Variants in PRKD1 observed in about 807,000 individuals in gnomAD.
PRKD1 encodes the protein protein kinase D1, also known as serine/threonine-protein kinase D1.
In PRKD1, 63 loss-of-function variants were observed where a neutral mutation model predicts 95.9. That is an observed-to-expected ratio of 0.66 (90% confidence interval 0.54 to 0.81). PRKD1 has a LOEUF of 0.81. Ranked by LOEUF, PRKD1 falls within the 30% of genes least tolerant of loss-of-function variation. The pLI is 0.00. For synonymous variants in PRKD1, 425 were observed against 423.1 expected (o/e 1.00, Z -0.05); for missense variants, 1,048 against 1,165.3 (o/e 0.90, Z 1.47).
At chr14:29,876,346 T>C (rs1452627625) in intron 1 of PRKD1, among the ~76,000 whole-genome samples, 1 of 152,154 alleles carries the variant, frequency 6.6e-6, no homozygotes, top group Non-Finnish European at 1.5e-5. Flanking sequence ...AGAGTTTGCC[T>C]ACAAATGGAG....
chr14:29,670,820 G>C (rs981653627), intron 2 of PRKD1, among the ~76,000 whole-genome samples: 14 of 152,168 alleles, frequency 9.2e-5, no homozygotes, highest in African/African-American at 2.9e-4. Flanking sequence ...CGTTGTTCAA[G>C]TTAATCTCAC....
chr14:29,769,273 A>G (rs1483977925), intron 1 of PRKD1, among the ~76,000 whole-genome samples: 1 of 152,018 alleles, frequency 6.6e-6, no homozygotes, highest in East Asian at 1.9e-4. Flanking sequence ...TTTTTAAATA[A>G]AAGAATCCAT....
chr14:29,676,485 G>A (rs1566532678), intron 2 of PRKD1, among the ~76,000 whole-genome samples: 1 of 152,168 alleles, frequency 6.6e-6, no homozygotes, highest in African/African-American at 2.4e-5. Context: ...GTCCCGAATA[G>A]CTGGGTTTAC....
chr14:29,661,010 G>T (rs763858941), intron 4 of PRKD1, among the ~76,000 whole-genome samples: 13 of 152,002 alleles, frequency 8.6e-5, no homozygotes, highest in Non-Finnish European at 1.8e-4. Context: ...TAGCATAATG[G>T]ATAGTTTACT....
intron 1 of PRKD1, among the ~76,000 whole-genome samples, chr14:29,762,345 C>CTGCATGAAAGAGTCTGCACTCTGCATG: frequency 6.6e-6 from 1 of 152,112 alleles, no homozygotes; most frequent in East Asian, 1.9e-4. Context: ...CATAGGCACT[C>CTGCATGAAAGAGTCTGCACTCTGCATG]CAGCCACCAC....
chr14:29,626,403 G>GT, intron 12 of PRKD1, 81 bp downstream of exon 12: 2 of 1,151,442 alleles, frequency 1.7e-6, no homozygotes, highest in Admixed American at 1.9e-5. Flanking sequence ...TCTCTTCTAT[G>GT]TTTTTCCTGT....
intron 1 of PRKD1, among the ~76,000 whole-genome samples, chr14:29,895,557 G>C (rs1894093525): frequency 6.6e-6 from 1 of 151,978 alleles, no homozygotes; most frequent in Non-Finnish European, 1.5e-5. Flanking sequence ...TCCTAAACCA[G>C]CTGAAGTCTC....
chr14:29,652,047 T>A (rs1210059273), intron 4 of PRKD1, among the ~76,000 whole-genome samples: 1 of 152,272 alleles, frequency 6.6e-6, no homozygotes, highest in South Asian at 2.1e-4. Context: ...TGCCTGGCCC[T>A]TTTTTTCATA....
At chr14:29,697,014 G>C (rs768561777) in intron 2 of PRKD1, among the ~76,000 whole-genome samples, 3 of 151,874 alleles carry the variant, frequency 2.0e-5, no homozygotes, top group Non-Finnish European at 4.4e-5. Flanking sequence ...GAAAACCCTG[G>C]AGTCCAGTTT....
At chr14:29,702,583 T>C (rs1361992854) in intron 2 of PRKD1, among the ~76,000 whole-genome samples, 4 of 152,010 alleles carry the variant, frequency 2.6e-5, no homozygotes, top group African/African-American at 9.7e-5. Flanking sequence ...AATGTAAGAA[T>C]TTTGCAATAA....
At chr14:29,739,307 CTG>C (rs1003602316) in intron 1 of PRKD1, among the ~76,000 whole-genome samples, 3 of 152,198 alleles carry the variant, frequency 2.0e-5, no homozygotes, top group African/African-American at 7.2e-5. Context: ...TTACTCCACT[CTG>C]TTTTTCTAAA....
At chr14:29,689,465 C>CAA (rs148283686) in intron 2 of PRKD1, among the ~76,000 whole-genome samples, 1 of 151,924 alleles carries the variant, frequency 6.6e-6, no homozygotes, top group East Asian at 1.9e-4. Context: ...ACAACAACAA[C>CAA]AAAAAAACAA....
intron 1 of PRKD1, among the ~76,000 whole-genome samples, chr14:29,849,740 T>G (rs1212971001): frequency 1.3e-5 from 2 of 151,668 alleles, no homozygotes; most frequent in Non-Finnish European, 2.9e-5. Context: ...AGCATCATTC[T>G]GATAATATAA....
At chr14:29,736,144 G>A (rs1451515435) in intron 1 of PRKD1, among the ~76,000 whole-genome samples, 1 of 152,204 alleles carries the variant, frequency 6.6e-6, no homozygotes, top group Non-Finnish European at 1.5e-5. Context: ...GGTCACACAT[G>A]TGAACGTGGA....
At chr14:29,651,032 A>G (rs998531294) in intron 4 of PRKD1, among the ~76,000 whole-genome samples, 1 of 152,212 alleles carries the variant, frequency 6.6e-6, no homozygotes, top group African/African-American at 2.4e-5. Flanking sequence ...ATAGTACATT[A>G]TAGAATCCTA....
chr14:29,666,175 G>A lies in PRKD1; in HGVS notation c.437C>T (p.Pro146Leu). 1.2e-6 allele frequency: 2 copies of A among 1,601,334 alleles called. No individual in the cohort carries two copies. The highest frequency in any genetic ancestry group is 1.1e-5 in the South Asian group (1 of 88,966). The change falls in exon 3 of 18, where the codon CCC (proline) becomes CTC (leucine). Residue 146 changes from proline to leucine, a missense_variant. Physicochemically the swap from Pro to Leu is moderately conservative, Grantham distance 98. Around this residue, in one of 3 missense-constraint regions of PRKD1, gnomAD observed 275 missense variants for 248.6 expected, o/e 1.11. Transcript: ENST00000331968. ...SATFEDFQIR[P>L]HALFVHSYRA... ...GTATGAATGAACAAAGAGAGCGTGG[G>A]GACGAATCTGAAAGTCTTCAAAGGT... is the stretch of plus-strand genomic sequence containing the variant.
chr14:29,882,859 C>CTG (rs10538155), intron 1 of PRKD1, among the ~76,000 whole-genome samples: 46 of 151,018 alleles, frequency 3.0e-4, no homozygotes, highest in East Asian at 2.9e-3. Context: ...CAATATTCCA[C>CTG]TGTGTGTGTG....
chr14:29,814,906 C>T (rs1306342092), intron 1 of PRKD1, among the ~76,000 whole-genome samples: 2 of 152,170 alleles, frequency 1.3e-5, no homozygotes, highest in East Asian at 3.8e-4. Flanking sequence ...TCACCATATA[C>T]ACAGTGTAAA....
At chr14:29,687,282 G>A (rs1010725838) in intron 2 of PRKD1, among the ~76,000 whole-genome samples, 3 of 152,278 alleles carry the variant, frequency 2.0e-5, no homozygotes, top group Admixed American at 1.3e-4. Flanking sequence ...AAGTGCTTGC[G>A]GTAATTCTAC....
Sources: allele counts gnomAD v4.1 joint callset (sites outside exome capture counted in the v4.1 genomes callset), GRCh38; gene constraint gnomAD v4.1.1; regional missense constraint gnomAD v4.1.1; transcripts MANE v1.5; gene names NCBI Gene and HGNC (gene_info 2026-07-23, HGNC 2026-07-21).